Variants in ARID3B observed in about 807,000 individuals in gnomAD.
The protein encoded by ARID3B is AT-rich interactive domain-containing protein 3B.
A neutral mutation model predicts 51.9 loss-of-function variants in ARID3B; 10 were observed. That is an observed-to-expected ratio of 0.19 (90% CI 0.12 to 0.33). The LOEUF is 0.33. Among genes scored for constraint, ARID3B ranks in the 10% least tolerant of loss-of-function variants. The pLI is 1.00. For synonymous variants in ARID3B, 205 were observed against 279.5 expected, an observed-to-expected ratio of 0.73 and a Z score of 2.66; for missense variants, 483 against 716.3, an observed-to-expected ratio of 0.67 and a Z score of 3.72.
chr15:74,590,333 A>C (rs1270598426), intron 5 of ARID3B, among the ~76,000 whole-genome samples: 4 of 152,230 alleles, frequency 2.6e-5, no homozygotes, highest in South Asian at 2.1e-4. Context: ...ACCAGCCAGT[A>C]AGTGGTAGAG....
At chr15:74,562,493 A>T (rs1042196168) in intron 2 of ARID3B, among the ~76,000 whole-genome samples, 4 of 151,858 alleles carry the variant, frequency 2.6e-5, no homozygotes, top group African/African-American at 9.7e-5. Context: ...CATCATAAGT[A>T]TTTTTCTGTT....
At chr15:74,543,817 GT>G (rs2061603433) in intron 1 of ARID3B, 42 bp from the exon 2 acceptor site, 6 of 1,345,782 alleles carry the variant, frequency 4.5e-6, no homozygotes, top group African/African-American at 1.5e-5. Flanking sequence ...TAACATGGTT[GT>G]TTTTTCCCCC....
chr15:74,566,954 A>G (rs1190916212), intron 2 of ARID3B, among the ~76,000 whole-genome samples: 6 of 152,156 alleles, frequency 3.9e-5, no homozygotes, highest in Admixed American at 3.9e-4. Context: ...AAAAAAGGAA[A>G]AGTGAAAATC....
At chr15:74,587,932 C>T (rs2061787157) in intron 4 of ARID3B, among the ~76,000 whole-genome samples, 2 of 152,156 alleles carry the variant, frequency 1.3e-5, no homozygotes, top group Admixed American at 6.5e-5. Context: ...GTCACTAACC[C>T]CCTCCCCACA....
rs2061812729 is a variant in ARID3B, at chr15:74,593,708, T to C, written c.1519+472T>C. ...TTGGCAACAGTGTTTTGTTGGTTGG[T>C]TGATTTCGCACCTTTACAGAGTCTT... On this transcript the variant is annotated intron_variant, in intron 8 of 8. Coordinates refer to ENST00000346246, the MANE Select transcript of ARID3B (RefSeq NM_006465.4). Among the ~76,000 whole-genome samples, 4 of 152,306 alleles carry C rather than the reference T, an allele frequency of 2.6e-5. No homozygotes were observed. In the South Asian group the frequency reaches 8.3e-4, roughly 32 times the overall value.
chr15:74,573,231 A>G, intron 4 of ARID3B, 27 bp downstream of exon 4: 3 of 1,602,802 alleles, frequency 1.9e-6, no homozygotes, highest in Non-Finnish European at 2.6e-6. Context: ...TCATCATTCC[A>G]ATTCAGGGAA....
chr15:74,591,390 A>G lies in ARID3B; in HGVS notation c.1121A>G (p.Asn374Ser), dbSNP rs1253046879. 1 of 1,612,164 alleles carries G rather than the reference A, an allele frequency of 6.2e-7. No homozygotes were observed. The highest frequency in any genetic ancestry group is 8.5e-7 in the Non-Finnish European group (1 of 1,178,422). The change falls in exon 6 of 9, where the codon AAT (asparagine) becomes AGT (serine). Residue 374 changes from asparagine (N) to serine (S), a missense_variant. By Grantham distance (46) the Asn-to-Ser change is conservative. This residue lies in a region of ARID3B where 265 missense variants were observed against 354.4 expected (regional missense o/e 0.75). Transcript: ENST00000346246. This position sits in a 1 kb window ranked among gnomAD's most constrained non-coding sequence, Gnocchi z 5.8. The part of the protein sequence containing the change: ...ILGLGSSSGT[N>S]TSSPRISPAT... ...GGGCTTGGCTCCAGCAGTGGTACCA[A>G]TACCAGTAGCCCTCGGATATCCCCA...
At chr15:74,584,636 A>G (rs2061773627) in intron 4 of ARID3B, among the ~76,000 whole-genome samples, 1 of 152,038 alleles carries the variant, frequency 6.6e-6, no homozygotes, top group South Asian at 2.1e-4. Context: ...CACTCTTACC[A>G]TCTCTCATCT....
chr15:74,548,353 T>C (rs1303770827), intron 2 of ARID3B, among the ~76,000 whole-genome samples: 1 of 152,142 alleles, frequency 6.6e-6, no homozygotes, highest in Non-Finnish European at 1.5e-5. Flanking sequence ...AGAAGAAAGA[T>C]GGCTTGGCAG....
intron 2 of ARID3B, among the ~76,000 whole-genome samples, chr15:74,572,628 T>C (rs2061723038): frequency 6.6e-6 from 1 of 151,874 alleles, no homozygotes; most frequent in East Asian, 1.9e-4. Flanking sequence ...CAAATGGAGA[T>C]GATTCTTCCA....
intron 1 of ARID3B, among the ~76,000 whole-genome samples, chr15:74,541,773 G>C (rs185721728): frequency 1.2e-4 from 18 of 152,266 alleles, no homozygotes; most frequent in Non-Finnish European, 2.1e-4. Flanking sequence ...GCAAAAGCAG[G>C]GGAATGGTCA....
intron 2 of ARID3B, among the ~76,000 whole-genome samples, chr15:74,572,513 C>T (rs986224102): frequency 3.9e-5 from 6 of 152,294 alleles, no homozygotes; most frequent in Non-Finnish European, 5.9e-5. Context: ...TGGCTTCTGG[C>T]GATCAGCCGG....
Position 74,591,553 on chromosome 15 carries a change from T to G in ARID3B, c.1166-7T>G. ...TGTGGATTGGTCCAGCTCCAGTTCC[T>G]TTGCAGGTGATGGAGCCCCAGTGAC... is the stretch of plus-strand genomic sequence containing the variant. On this transcript the variant is annotated splice_region_variant and splice_polypyrimidine_tract_variant and intron_variant, in intron 6 of 8. Transcript: ENST00000346246. This position sits in a 1 kb window ranked among gnomAD's most constrained non-coding sequence, Gnocchi z 5.8. The G allele has an allele frequency of 6.2e-7, 1 of 1,610,606 alleles. No homozygotes were observed. The highest frequency in any genetic ancestry group is 8.5e-7 in the Non-Finnish European group (1 of 1,177,218).
intron 2 of ARID3B, among the ~76,000 whole-genome samples, chr15:74,565,725 GTTTT>G (rs199587244): frequency 6.7e-6 from 1 of 148,850 alleles, no homozygotes; most frequent in Non-Finnish European, 1.5e-5. Flanking sequence ...TGGTCTCGTT[GTTTT>G]TTTTGTTTTT....
intron 2 of ARID3B, among the ~76,000 whole-genome samples, chr15:74,548,415 G>A (rs925111066): frequency 6.6e-6 from 1 of 152,166 alleles, no homozygotes; most frequent in African/African-American, 2.4e-5. Context: ...TTTGGCAGTC[G>A]CTTTGGTTAC....
At chr15:74,590,068 G>A (rs2061797786) in intron 5 of ARID3B, 65 bp downstream of exon 5, 20 of 1,466,384 alleles carry the variant, frequency 1.4e-5, no homozygotes, top group Non-Finnish European at 1.7e-5. Context: ...TAACCTAGAG[G>A]AGAGGAAGGA....
intron 2 of ARID3B, among the ~76,000 whole-genome samples, chr15:74,544,864 G>A (rs188228772): frequency 6.6e-6 from 1 of 151,758 alleles, no homozygotes; most frequent in Admixed American, 6.6e-5. Flanking sequence ...CTTATTTTTT[G>A]CATTTTTAGC....
intron 2 of ARID3B, among the ~76,000 whole-genome samples, chr15:74,558,004 G>A (rs569277724): frequency 8.6e-5 from 13 of 151,662 alleles, no homozygotes; most frequent in Admixed American, 1.3e-4. Context: ...TGTATTTTTA[G>A]TAGAGACAGG....
chr15:74,550,547 A>G (rs1454984364), intron 2 of ARID3B, among the ~76,000 whole-genome samples: 1 of 151,904 alleles, frequency 6.6e-6, no homozygotes, highest in Non-Finnish European at 1.5e-5. Flanking sequence ...AAATACAAAA[A>G]AAAAAAAAGT....
Sources: gnomAD v4.1 joint callset for allele counts (sites outside exome capture counted in the v4.1 genomes callset) on GRCh38, gnomAD v4.1.1 for gene constraint, gnomAD v4.1.1 regional missense constraint, Gnocchi (gnomAD v3.1) non-coding constraint, MANE v1.5 for transcripts, NCBI Gene and HGNC (gene_info 2026-07-23, HGNC 2026-07-21) for gene names.